The following WDR20 variants were observed in gnomAD, a reference collection of about 807,000 sequenced individuals.
WDR20 encodes WD repeat domain 20, also known as WD repeat-containing protein 20.
WDR20 carries 3 observed loss-of-function variants against 38.7 expected under a neutral mutation model. The ratio of observed to expected loss-of-function variants is 0.08; its 90% CI spans 0.04 to 0.20. The LOEUF is 0.20. Among genes scored for constraint, WDR20 ranks in the 10% least tolerant of loss-of-function variants. The probability of loss-of-function intolerance (pLI) is 1.00; values close to 1 mark genes in which losing one functional copy is unlikely to be tolerated. For missense variants in WDR20, 559 were observed against 727.7 expected, an observed-to-expected ratio of 0.77 and a Z score of 2.67; for synonymous variants, 298 against 285.6, an observed-to-expected ratio of 1.04 and a Z score of -0.44.
intron 1 of WDR20, chr14:102,193,447 T>C (rs764643195): frequency 4.3e-5 from 70 of 1,612,416 alleles, no homozygotes; most frequent in Non-Finnish European, 5.5e-5. Context: ...ATATATTCTC[T>C]TATTTCATCC....
downstream of WDR20, chr14:102,215,006 TGTA>T: frequency 1.0e-6 from 1 of 983,556 alleles, no homozygotes; most frequent in East Asian, 1.1e-4. Flanking sequence ...GAACTGTAAA[TGTA>T]GATAATTTTC....
intron 2 of WDR20, chr14:102,198,086 A>T (rs1218343365): frequency 6.9e-5 from 25 of 361,430 alleles, no homozygotes; most frequent in Non-Finnish European, 1.1e-4. Flanking sequence ...GGAGAGAATC[A>T]CAGAGGTCTA....
intron 1 of WDR20, among the ~76,000 whole-genome samples, chr14:102,184,288 G>T (rs80327876): frequency 6.6e-6 from 1 of 152,186 alleles, no homozygotes. Context: ...CTAACCTTCC[G>T]TGGAGTACAG....
Position 102,210,445 on chromosome 14 carries a change from A to C in WDR20, c.*565A>C, listed in dbSNP as rs752303323. The C allele has an allele frequency of 1.0e-5, 10 of 985,312 alleles. No individual in the cohort carries two copies. The highest frequency in any genetic ancestry group is 1.2e-5 in the Non-Finnish European group (10 of 829,914). The allele number at this position is 985,312 out of a possible 1,614,324, so 61.0% of individuals were successfully genotyped here. ...TACATTGTTCTGGCAATCCACAGAAAGAGAAGAGCCTTAATTTTTAAAACC... is the reference window on the plus strand; with the variant it reads ...TACATTGTTCTGGCAATCCACAGAACGAGAAGAGCCTTAATTTTTAAAACC... On this transcript the variant is annotated 3_prime_UTR_variant, in exon 3 of 3. Transcript: ENST00000342702.
At position 102,204,321 on chromosome 14, in the gene WDR20, TC is replaced by T. The variant is rs1436375824; in HGVS notation, c.433-4280del. On this transcript the variant is annotated intron_variant, in intron 2 of 2. Coordinates refer to ENST00000342702, the MANE Select transcript of WDR20 (RefSeq NM_144574.4). ...TCTGTCCTTCTGTCTTGCTCAGCTG[TC>T]CAGCACCAGCAGAGGAAGAGGCCTT... 2.0e-4 allele frequency among the ~76,000 whole-genome samples: 30 copies of T among 152,308 alleles called. No individual in the cohort carries two copies. In the South Asian group the frequency reaches 4.3e-3, roughly 22 times the overall value.
rs570483821 is a variant in WDR20, at chr14:102,202,570, C to T, written c.433-6033C>T. Among the ~76,000 whole-genome samples the T allele has an allele frequency of 1.8e-3, 274 of 151,868 alleles. 1 individual carries two copies. Among genetic ancestry groups the T allele is most frequent in the Non-Finnish European group, 3.2e-3 (219 of 67,922 alleles). ...AATTTTTTTGTATTTTTAGTAGAGACAGGGTTTCACCATATTGGCCAGGAT... is the reference window on the plus strand; with the variant it reads ...AATTTTTTTGTATTTTTAGTAGAGATAGGGTTTCACCATATTGGCCAGGAT... On this transcript the variant is annotated intron_variant, in intron 2 of 2. Transcript: ENST00000342702.
intron 1 of WDR20, among the ~76,000 whole-genome samples, chr14:102,166,521 T>C (rs146116688): frequency 5.3e-5 from 8 of 152,344 alleles, no homozygotes; most frequent in African/African-American, 1.2e-4. Context: ...GCCCCTCTTA[T>C]TTATCAGTTT....
At chr14:102,218,907 G>A (rs1299006489), downstream of WDR20, among the ~76,000 whole-genome samples, 1 of 152,232 alleles carries the variant, frequency 6.6e-6, no homozygotes, top group Non-Finnish European at 1.5e-5. Flanking sequence ...GTGAAGCGTG[G>A]GCGGGCTCCC....
intron 1 of WDR20, among the ~76,000 whole-genome samples, chr14:102,166,515 C>G (rs1596144742): frequency 6.6e-6 from 1 of 152,256 alleles, no homozygotes; most frequent in East Asian, 1.9e-4. Flanking sequence ...ATGACTGCCC[C>G]TCTTATTTAT....
At chr14:102,175,868 A>G (rs1397406051) in intron 1 of WDR20, among the ~76,000 whole-genome samples, 1 of 152,228 alleles carries the variant, frequency 6.6e-6, no homozygotes, top group Non-Finnish European at 1.5e-5. Flanking sequence ...CTGTTGGTAT[A>G]TAGCAGAGCC....
intron 1 of WDR20, among the ~76,000 whole-genome samples, chr14:102,142,960 A>G (rs2051999535): frequency 1.3e-5 from 2 of 152,086 alleles, no homozygotes; most frequent in African/African-American, 2.4e-5. Flanking sequence ...CTGAGAGGAA[A>G]CATGGGGTCC....
At chr14:102,211,602 G>A (rs1298868466), downstream of WDR20, among the ~76,000 whole-genome samples, 5 of 152,174 alleles carry the variant, frequency 3.3e-5, no homozygotes, top group South Asian at 2.1e-4. This position sits in a 1 kb window ranked among gnomAD's most constrained non-coding sequence, Gnocchi z 4.2. Flanking sequence ...AGGAGTATTC[G>A]TGTCCTCTCT....
intron 1 of WDR20, among the ~76,000 whole-genome samples, chr14:102,176,106 AAGTC>A (rs2061999572): frequency 6.6e-6 from 1 of 152,308 alleles, no homozygotes; most frequent in African/African-American, 2.4e-5. Flanking sequence ...ATAAAAGTGA[AAGTC>A]AGGGCTGGAA....
Position 102,210,208 on chromosome 14 carries a change from A to G in WDR20, c.*328A>G. On this transcript the variant is annotated 3_prime_UTR_variant, in exon 3 of 3. Coordinates refer to ENST00000342702, the MANE Select transcript of WDR20 (RefSeq NM_144574.4). ...CATGTGGGGAAACAATGACTTTAAA[A>G]TGCTGAAATTAAAATTTATGCTTTA... 1.9e-6 allele frequency: 2 copies of G among 1,040,814 alleles called. No homozygotes were observed. Among genetic ancestry groups the G allele is most frequent in the Non-Finnish European group, 2.3e-6 (2 of 865,396 alleles). The allele number at this position is 1,040,814 out of a possible 1,614,324, so 64.5% of individuals were successfully genotyped here. A position where few individuals can be genotyped will look rare whatever the true frequency, so the allele number is the denominator to read the frequency against.
In WDR20 at chr14:102,209,241, T is replaced by C. The variant is rs538378806; in HGVS notation, c.1071T>C (p.Ser357=). The change falls in exon 3 of 3, where the codon TCT becomes TCC. Residue 357 remains serine (S), a synonymous_variant. Coordinates refer to ENST00000342702, the MANE Select transcript of WDR20 (RefSeq NM_144574.4). This position sits in a 1 kb window ranked among gnomAD's most constrained non-coding sequence, Gnocchi z 6.0. ...STQSRLSKRN[S]TDSRPVSVTY... is the part of the protein sequence containing the mutation. Reference sequence around the variant, plus strand: ...AGTCCAGGCTCTCCAAACGGAACTCTACAGACAGCCGCCCCGTAAGTGTCA... The same window carrying C: ...AGTCCAGGCTCTCCAAACGGAACTCCACAGACAGCCGCCCCGTAAGTGTCA... 2.0e-4 allele frequency: 317 copies of C among 1,614,076 alleles called. 1 individual carries two copies. Among genetic ancestry groups the C allele is most frequent in the Middle Eastern group, 6.6e-4 (4 of 6,062 alleles).
chr14:102,147,416 AG>A (rs1339104317), intron 1 of WDR20, among the ~76,000 whole-genome samples: 1 of 152,178 alleles, frequency 6.6e-6, no homozygotes, highest in Non-Finnish European at 1.5e-5. Context: ...GGTAGATATG[AG>A]CAATGGTGAG....
chr14:102,157,197 G>T, intron 1 of WDR20: 1 of 152,276 alleles, frequency 6.6e-6, no homozygotes, highest in South Asian at 2.1e-4. Flanking sequence ...AGGAGGTTGA[G>T]GCTGCAGTGA....
chr14:102,220,807 C>G lies in WDR20; in HGVS notation c.1693-2023C>G, dbSNP rs1338966185. On this transcript the variant is annotated intron_variant, in intron 3 of 3. Coordinates refer to the WDR20 transcript ENST00000335263. The surrounding 1 kb of genome is among the most constrained non-coding windows in gnomAD (Gnocchi z 4.2). ...TCATTTTTTGAGACAGGGTCTTGCT[C>G]TATCCCCCAGGCTGGAGTGCAGTGG... 6.6e-6 allele frequency among the ~76,000 whole-genome samples: 1 copy of G among 152,066 alleles called. No individual in the cohort carries two copies. The highest frequency in any genetic ancestry group is 1.9e-4 in the East Asian group (1 of 5,198).
Position 102,222,705 on chromosome 14 carries a change from C to T in WDR20, c.1693-125C>T, listed in dbSNP as rs2153073086. On this transcript the variant is annotated intron_variant, in intron 3 of 3. Transcript: ENST00000335263. This position sits in a 1 kb window ranked among gnomAD's most constrained non-coding sequence, Gnocchi z 4.4. ...AAATAGATGAAGTGGAGGGTTTGCTCCCACACTGGCTTCCACATCAACAGC... is the reference window on the plus strand; with the variant it reads ...AAATAGATGAAGTGGAGGGTTTGCTTCCACACTGGCTTCCACATCAACAGC... The T allele has an allele frequency of 2.1e-6, 2 of 946,840 alleles. No homozygotes were observed. Among genetic ancestry groups the T allele is most frequent in the Middle Eastern group, 4.2e-4 (2 of 4,748 alleles). The allele number at this position is 946,840 out of a possible 1,614,324, so 58.7% of individuals were successfully genotyped here. A position where few individuals can be genotyped will look rare whatever the true frequency, so the allele number is the denominator to read the frequency against.
Sources: allele counts gnomAD v4.1 joint callset (sites outside exome capture counted in the v4.1 genomes callset), GRCh38; gene constraint gnomAD v4.1.1; non-coding constraint Gnocchi (gnomAD v3.1); transcripts MANE v1.5; gene names NCBI Gene and HGNC (gene_info 2026-07-23, HGNC 2026-07-21).